ARHGAP8: variants seen among roughly 807,000 people sequenced by gnomAD.
ARHGAP8 encodes Rho GTPase activating protein 8.
In ARHGAP8, 62 loss-of-function variants were observed where a neutral mutation model predicts 46.1. That is an observed-to-expected ratio of 1.34 (90% CI 1.10 to 1.66). The LOEUF is 1.66. Ranked by LOEUF, ARHGAP8 falls within the 40% of genes most tolerant of loss-of-function variation. ARHGAP8 has a pLI of 0.00. For synonymous variants in ARHGAP8, 375 were observed against 243.1 expected, an observed-to-expected ratio of 1.54 and a Z score of -5.05; for missense variants, 923 against 568.4, an observed-to-expected ratio of 1.62 and a Z score of -6.34.
chr22:44,854,458 C>A (rs968966948), intron 10 of ARHGAP8, among the ~76,000 whole-genome samples: 7 of 151,828 alleles, frequency 4.6e-5, no homozygotes, highest in Non-Finnish European at 1.0e-4. Flanking sequence ...GTCTTGAACT[C>A]CTGACCTCAA....
chr22:44,827,336 G>GTTTTTTTGT (rs1930595614), intron 7 of ARHGAP8, among the ~76,000 whole-genome samples: 1 of 67,258 alleles, frequency 1.5e-5, no homozygotes, highest in African/African-American at 5.9e-5. Flanking sequence ...TTGGGTGGTG[G>GTTTTTTTGT]TTTTTTTTTT....
At chr22:44,807,974 G>A (rs1178947765) in intron 3 of ARHGAP8, among the ~76,000 whole-genome samples, 1 of 152,158 alleles carries the variant, frequency 6.6e-6, no homozygotes, top group Non-Finnish European at 1.5e-5. Flanking sequence ...TCCTCTCAAG[G>A]TCCTAAATTT....
intron 1 of ARHGAP8, among the ~76,000 whole-genome samples, chr22:44,783,214 G>C (rs932938097): frequency 6.6e-6 from 1 of 152,128 alleles, no homozygotes; most frequent in African/African-American, 2.4e-5. Context: ...AAGGTTCCAT[G>C]GTCTGGCCTG....
intron 2 of ARHGAP8, among the ~76,000 whole-genome samples, chr22:44,787,385 G>A (rs1183872605): frequency 2.6e-5 from 4 of 152,130 alleles, no homozygotes; most frequent in Admixed American, 2.0e-4. Context: ...TCGCTCTGTC[G>A]CCCAGGCTGG....
chr22:44,820,500 A>T (rs1202161154), intron 5 of ARHGAP8, among the ~76,000 whole-genome samples: 1 of 152,092 alleles, frequency 6.6e-6, no homozygotes, highest in Non-Finnish European at 1.5e-5. Context: ...TCCAGCAGAG[A>T]CCAGACTGTC....
intron 1 of ARHGAP8, among the ~76,000 whole-genome samples, chr22:44,774,887 G>GT (rs1317923430): frequency 6.6e-6 from 1 of 151,862 alleles, no homozygotes; most frequent in Admixed American, 6.6e-5. Flanking sequence ...CTGGAGTGCA[G>GT]TGGAGCAATC....
intron 1 of ARHGAP8, among the ~76,000 whole-genome samples, chr22:44,763,065 C>G (rs944972734): frequency 1.3e-5 from 2 of 152,132 alleles, no homozygotes; most frequent in South Asian, 4.1e-4. Flanking sequence ...CATAACAAAA[C>G]TTGGGTCCAA....
At chr22:44,830,829 G>A (rs768995493) in intron 7 of ARHGAP8, among the ~76,000 whole-genome samples, 15 of 152,114 alleles carry the variant, frequency 9.9e-5, no homozygotes, top group Non-Finnish European at 1.9e-4. Context: ...GTGAGCCACC[G>A]CGCCTGGCCT....
rs577050213 is a variant in ARHGAP8, at chr22:44,758,094, C to T, written c.-72+5467C>T. 5.9e-5 allele frequency among the ~76,000 whole-genome samples: 9 copies of T among 152,272 alleles called. No individual in the cohort carries two copies. In the South Asian group the frequency reaches 6.2e-4, roughly 11 times the overall value. On this transcript the variant is annotated intron_variant, in intron 1 of 11. Transcript: ENST00000356099. Reference sequence around the variant, plus strand: ...TTCTCCAGGGACCCATGGCAGTTTCCTCTGGCTGCAGGGAGGGCAGGTCTC... The same window carrying T: ...TTCTCCAGGGACCCATGGCAGTTTCTTCTGGCTGCAGGGAGGGCAGGTCTC...
At chr22:44,759,370 C>G (rs1924943723) in intron 1 of ARHGAP8, among the ~76,000 whole-genome samples, 1 of 152,176 alleles carries the variant, frequency 6.6e-6, no homozygotes, top group Non-Finnish European at 1.5e-5. Flanking sequence ...AAGCCCCTCT[C>G]CCAATCTGGG....
At chr22:44,812,854 A>G (rs1350710779) in intron 4 of ARHGAP8, among the ~76,000 whole-genome samples, 1 of 151,972 alleles carries the variant, frequency 6.6e-6, no homozygotes, top group Non-Finnish European at 1.5e-5. Flanking sequence ...CTCCTCACTT[A>G]TTTATCTCAG....
chr22:44,817,346 T>C (rs1929824973), intron 5 of ARHGAP8, among the ~76,000 whole-genome samples: 1 of 152,214 alleles, frequency 6.6e-6, no homozygotes, highest in Non-Finnish European at 1.5e-5. Context: ...GTCACTAGAA[T>C]TTCCTGCCAG....
At chr22:44,837,107 A>T (rs1040941542) in intron 7 of ARHGAP8, among the ~76,000 whole-genome samples, 1 of 152,128 alleles carries the variant, frequency 6.6e-6, no homozygotes, top group South Asian at 2.1e-4. Flanking sequence ...CTGGTCTCGA[A>T]TTCCCGACCT....
intron 2 of ARHGAP8, among the ~76,000 whole-genome samples, chr22:44,790,945 C>T (rs750982296): frequency 4.6e-5 from 7 of 151,962 alleles, no homozygotes; most frequent in Non-Finnish European, 8.8e-5. Flanking sequence ...GTTGCCCAGG[C>T]TGGTCTCAAA....
chr22:44,852,927 C>A (rs1056259189), intron 10 of ARHGAP8, among the ~76,000 whole-genome samples: 2 of 152,124 alleles, frequency 1.3e-5, no homozygotes, highest in East Asian at 3.9e-4. Flanking sequence ...CCCAGCCTGC[C>A]GAGTAGCTGG....
chr22:44,815,590 T>C (rs1929680360), intron 5 of ARHGAP8, among the ~76,000 whole-genome samples: 1 of 152,026 alleles, frequency 6.6e-6, no homozygotes, highest in Non-Finnish European at 1.5e-5. Context: ...GCCTGCTGAG[T>C]TAAGCCTTGA....
At position 44,849,048 on chromosome 22, in the gene ARHGAP8, C is replaced by T; in HGVS notation, c.865C>T (p.Leu289Phe). Residue 289 changes from leucine (L) to phenylalanine (F), a missense_variant, in exon 10 of 12, where the codon CTC becomes TTC. Transcript: ENST00000356099. Reference protein sequence around the residue: ...LLTFQAYEQILGITCVESSLR... With the variant: ...LLTFQAYEQIFGITCVESSLR... ...GACCTTCCAGGCCTACGAGCAGATT[C>T]TCGGGATCACCTGTGCGTAGCTGCC... is the stretch of plus-strand genomic sequence containing the variant. 1.2e-6 allele frequency: 2 copies of T among 1,613,962 alleles called. No homozygotes were observed. The highest frequency in any genetic ancestry group is 8.5e-7 in the Non-Finnish European group (1 of 1,179,956).
chr22:44,835,061 TATTAG>T (rs1931190451), intron 7 of ARHGAP8, among the ~76,000 whole-genome samples: 1 of 152,136 alleles, frequency 6.6e-6, no homozygotes, highest in African/African-American at 2.4e-5. Context: ...CCACCTTCTT[TATTAG>T]ATTATTTAAT....
At chr22:44,846,620 C>T (rs1023956056) in intron 8 of ARHGAP8, among the ~76,000 whole-genome samples, 1 of 152,148 alleles carries the variant, frequency 6.6e-6, no homozygotes, top group Admixed American at 6.5e-5. Flanking sequence ...CCCTCCTTGC[C>T]CTCTACCGGT....
Sources: allele counts gnomAD v4.1 joint callset (sites outside exome capture counted in the v4.1 genomes callset), GRCh38; gene constraint gnomAD v4.1.1; transcripts MANE v1.5; gene names NCBI Gene and HGNC (gene_info 2026-07-23, HGNC 2026-07-21).